The following HERPUD2 variants were observed in gnomAD, a reference collection of about 807,000 sequenced individuals.
HERPUD2 encodes the protein HERPUD family member 2.
Under a neutral mutation model 49.9 loss-of-function variants are expected in HERPUD2, and 13 were observed. The ratio of observed to expected loss-of-function variants is 0.26; its 90% CI spans 0.17 to 0.41. HERPUD2 has a LOEUF of 0.41. Ranked by LOEUF, HERPUD2 falls within the 10% of genes least tolerant of loss-of-function variation. The pLI, the probability that HERPUD2 is intolerant of heterozygous loss-of-function variation, is 1.00. For synonymous variants in HERPUD2, 172 were observed against 171.4 expected, an observed-to-expected ratio of 1.00 and a Z score of -0.03; for missense variants, 449 against 492.2, an observed-to-expected ratio of 0.91 and a Z score of 0.83.
intron 2 of HERPUD2, among the ~76,000 whole-genome samples, chr7:35,686,348 C>T (rs1230150699): frequency 3.3e-5 from 5 of 150,580 alleles, no homozygotes; most frequent in Admixed American, 6.6e-5. Flanking sequence ...CCACCACGCC[C>T]GGCTAATTTT....
chr7:35,645,717 TA>T (rs1310695963), intron 5 of HERPUD2, among the ~76,000 whole-genome samples: 1 of 152,246 alleles, frequency 6.6e-6, no homozygotes, highest in Admixed American at 6.5e-5. Flanking sequence ...ATCGTGATTT[TA>T]AGTGAGGACT....
rs772251618 is a variant in HERPUD2 at position 35,635,231 on chromosome 7, G to A, written c.845C>T (p.Thr282Met). 6.2e-6 allele frequency: 10 copies of A among 1,613,844 alleles called. No homozygotes were observed. The highest frequency in any genetic ancestry group is 2.2e-5 in the East Asian group (1 of 44,898). The change falls in exon 7 of 9, where the codon ACG becomes ATG. Residue 282 changes from threonine (T) to methionine (M), a missense_variant. Coordinates refer to ENST00000311350, the MANE Select transcript of HERPUD2 (RefSeq NM_022373.5). ...FNRDWLDWMY[T>M]FSRAAILLSI... ...AAGGAGAATCGCAGCTCGTGAGAACGTGTACATCCAGTCTAGCCAGTCTCG... is the reference window on the plus strand; with the variant it reads ...AAGGAGAATCGCAGCTCGTGAGAACATGTACATCCAGTCTAGCCAGTCTCG...
intron 2 of HERPUD2, among the ~76,000 whole-genome samples, chr7:35,685,662 G>A (rs931229959): frequency 6.6e-6 from 1 of 151,574 alleles, no homozygotes; most frequent in Non-Finnish European, 1.5e-5. Context: ...TGCCTCTTCA[G>A]TTTAAATATC....
chr7:35,674,400 TATATAGAGAGAG>T (rs1785709093), intron 2 of HERPUD2, among the ~76,000 whole-genome samples: 5 of 60,196 alleles, frequency 8.3e-5, no homozygotes, highest in South Asian at 6.9e-4. Context: ...TATATATATA[TATATAGAGAGAG>T]AGAGAGAGAG....
intron 2 of HERPUD2, among the ~76,000 whole-genome samples, chr7:35,677,196 T>A (rs1198346434): frequency 6.6e-6 from 1 of 152,212 alleles, no homozygotes; most frequent in African/African-American, 2.4e-5. Flanking sequence ...CATACTCCTA[T>A]TTTCCTCCTT....
intron 5 of HERPUD2, among the ~76,000 whole-genome samples, chr7:35,660,453 ACT>A: frequency 6.6e-6 from 1 of 152,318 alleles, no homozygotes; most frequent in Admixed American, 6.5e-5. Flanking sequence ...GAATCGCCAC[ACT>A]GTCTTCCACA....
At chr7:35,674,404 T>TATATATATAG (rs1785711309) in intron 2 of HERPUD2, among the ~76,000 whole-genome samples, 14 of 38,124 alleles carry the variant, frequency 3.7e-4, no homozygotes, top group South Asian at 1.1e-3. Flanking sequence ...TATATATATA[T>TATATATATAG]AGAGAGAGAG....
intron 2 of HERPUD2, among the ~76,000 whole-genome samples, chr7:35,690,689 A>C (rs1406999703): frequency 6.6e-5 from 10 of 152,186 alleles, no homozygotes; most frequent in Non-Finnish European, 1.5e-5. Flanking sequence ...CATGCCTGTA[A>C]TCCCAGCGAC....
chr7:35,688,512 C>T (rs1786112839), intron 2 of HERPUD2, among the ~76,000 whole-genome samples: 1 of 152,198 alleles, frequency 6.6e-6, no homozygotes, highest in Non-Finnish European at 1.5e-5. Context: ...TTCACACCAA[C>T]TGGTAGACTG....
intron 2 of HERPUD2, among the ~76,000 whole-genome samples, chr7:35,686,580 G>A (rs1197420171): frequency 2.1e-5 from 3 of 139,882 alleles, no homozygotes; most frequent in Admixed American, 1.4e-4. Flanking sequence ...TTAGCCGGGC[G>A]TAGTGGCGGG....
intron 5 of HERPUD2, among the ~76,000 whole-genome samples, chr7:35,661,502 A>G (rs960829743): frequency 3.7e-4 from 57 of 152,178 alleles, no homozygotes; most frequent in African/African-American, 1.3e-3. Context: ...CTTCCTATCC[A>G]TGAGCATGGA....
In HERPUD2 at chr7:35,635,430, A is replaced by C; in HGVS notation, c.646T>G (p.Ser216Ala). The change falls in exon 7 of 9, where the codon TCA becomes GCA. Residue 216 changes from serine (S) to alanine (A), a missense_variant. Coordinates refer to ENST00000311350, the MANE Select transcript of HERPUD2 (RefSeq NM_022373.5). ...GTAGGCTGGGTTGGGTTGACATTTG[A>C]TGTGGCCTGAGCTGAAACTGCAGCT... is the stretch of plus-strand genomic sequence containing the variant. ...YQAAVSAQAT[S>A]NVNPTQPTTS... 1 of 1,613,988 alleles carries C rather than the reference A, an allele frequency of 6.2e-7. No homozygotes were observed.
chr7:35,673,180 A>G, intron 3 of HERPUD2, 21 bp downstream of exon 3: 1 of 1,587,358 alleles, frequency 6.3e-7, no homozygotes, highest in Non-Finnish European at 8.6e-7. Flanking sequence ...TCTGGTATCA[A>G]ATAGTGGTAG....
chr7:35,666,371 T>G (rs1785536318), intron 5 of HERPUD2, among the ~76,000 whole-genome samples: 1 of 152,256 alleles, frequency 6.6e-6, no homozygotes, highest in Non-Finnish European at 1.5e-5. Flanking sequence ...TCTGTATTAA[T>G]AACTGAATTA....
intron 2 of HERPUD2, 151 bp downstream of exon 2, chr7:35,694,033 G>A: frequency 2.7e-6 from 2 of 739,682 alleles, no homozygotes; most frequent in Non-Finnish European, 4.6e-6. Context: ...CGAACACTCA[G>A]GAGACACAAC....
chr7:35,634,453 A>G, intron 7 of HERPUD2, 24 bp from the exon 8 acceptor site: 1 of 1,415,330 alleles, frequency 7.1e-7, no homozygotes, highest in Non-Finnish European at 1.0e-6. Context: ...TAAAGAGAAA[A>G]TAAAATAAGT....
At chr7:35,640,209 A>C (rs778972631) in intron 5 of HERPUD2, among the ~76,000 whole-genome samples, 7 of 152,190 alleles carry the variant, frequency 4.6e-5, no homozygotes, top group Admixed American at 6.5e-5. Flanking sequence ...AAACTACCTA[A>C]ATCAAGTATT....
At chr7:35,661,499 T>C (rs1322167508) in intron 5 of HERPUD2, among the ~76,000 whole-genome samples, 1 of 152,224 alleles carries the variant, frequency 6.6e-6, no homozygotes, top group Non-Finnish European at 1.5e-5. Context: ...ATTCTTCCTA[T>C]CCATGAGCAT....
chr7:35,653,393 G>C (rs763879462), intron 5 of HERPUD2, among the ~76,000 whole-genome samples: 2 of 152,026 alleles, frequency 1.3e-5, no homozygotes, highest in South Asian at 4.1e-4. Flanking sequence ...AAACATAAAC[G>C]AATCCAACAC....
Sources: allele counts gnomAD v4.1 joint callset (sites outside exome capture counted in the v4.1 genomes callset), GRCh38; gene constraint gnomAD v4.1.1; transcripts MANE v1.5; gene names NCBI Gene and HGNC (gene_info 2026-07-23, HGNC 2026-07-21).